C9orf153: variants seen among roughly 807,000 people sequenced by gnomAD.
C9orf153 encodes uncharacterized protein C9orf153.
C9orf153 carries 10 observed loss-of-function variants against 9.0 expected under a neutral mutation model. That is an observed-to-expected ratio of 1.11 (90% CI 0.69 to 1.89). C9orf153 has a LOEUF of 1.89. C9orf153 is among the 40% of genes most tolerant of loss of function. C9orf153 has a pLI of 0.00. For missense variants in C9orf153, 108 were observed against 111.0 expected, an observed-to-expected ratio of 0.97 and a Z score of 0.12; for synonymous variants, 35 against 37.3, an observed-to-expected ratio of 0.94 and a Z score of 0.23.
At chr9:86,253,521 A>G (rs979796941) in intron 1 of C9orf153, among the ~76,000 whole-genome samples, 1 of 152,212 alleles carries the variant, frequency 6.6e-6, no homozygotes, top group Non-Finnish European at 1.5e-5. Context: ...GAAATTCTTT[A>G]TGAAAAAGCC....
At chr9:86,229,975 A>G (rs900871168) in intron 1 of C9orf153, among the ~76,000 whole-genome samples, 3 of 152,098 alleles carry the variant, frequency 2.0e-5, no homozygotes, top group African/African-American at 7.2e-5. Flanking sequence ...GAAGTGCTAT[A>G]CACTTTTAAA....
intron 3 of C9orf153, chr9:86,227,357 G>A (rs1479534936): frequency 2.0e-6 from 3 of 1,532,750 alleles, no homozygotes; most frequent in Non-Finnish European, 2.6e-6. Context: ...TTGGAGATGG[G>A]GTCTTTCTAT....
At chr9:86,237,029 A>G (rs1824611985) in intron 1 of C9orf153, among the ~76,000 whole-genome samples, 1 of 152,034 alleles carries the variant, frequency 6.6e-6, no homozygotes. Flanking sequence ...CAACAATGAC[A>G]TAGAGAACAA....
rs1159824661 is a variant in C9orf153, at chr9:86,228,082, T to C, written c.67-52A>G. The C allele has an allele frequency of 1.5e-6, 2 of 1,357,920 alleles. 1 individual carries two copies. The highest frequency in any genetic ancestry group is 2.8e-5 in the South Asian group (2 of 70,518). 84.1% of individuals were successfully genotyped at this position (1,357,920 alleles called of 1,614,324 possible). ...TCACGAGACTGACAAAAATGTAATA[T>C]TCTGGCAGACCTACAAACCCTAGAA... On this transcript the variant is annotated intron_variant, in intron 2 of 3. Transcript: ENST00000339137.
In C9orf153 at chr9:86,233,975, C is replaced by T. The variant is rs148070705; in HGVS notation, c.-26-4346G>A. On this transcript the variant is annotated intron_variant, in intron 1 of 3. Transcript: ENST00000339137. ...GTGCATCCCTGTAGTCCCAGCTACT[C>T]GGGAGGCTGAGGCGGGAGAATCGCT... Among the ~76,000 whole-genome samples the T allele has an allele frequency of 4.2e-3, 641 of 151,884 alleles. 9 individuals carry two copies. Among genetic ancestry groups the T allele is most frequent in the African/African-American group, 0.013 (525 of 41,418 alleles).
intron 3 of C9orf153, 47 bp from the exon 4 acceptor site, chr9:86,221,780 G>T (rs1324408682): frequency 7.6e-7 from 1 of 1,319,096 alleles, no homozygotes; most frequent in South Asian, 1.3e-5. Context: ...TTGTTACTCA[G>T]CCTTTCATTA....
chr9:86,258,565 C>T (rs999079887), intron 1 of C9orf153: 3 of 152,076 alleles, frequency 2.0e-5, no homozygotes, highest in Admixed American at 1.3e-4. Flanking sequence ...AAGGAGACAT[C>T]CACCTAGCCA....
intron 3 of C9orf153, among the ~76,000 whole-genome samples, chr9:86,225,623 T>A (rs974983569): frequency 6.6e-6 from 1 of 152,086 alleles, no homozygotes; most frequent in Non-Finnish European, 1.5e-5. Context: ...AACGCCCAGC[T>A]AATTTTTTTG....
chr9:86,227,734 C>G, intron 3 of C9orf153, 121 bp downstream of exon 3: 1 of 1,426,358 alleles, frequency 7.0e-7, no homozygotes, highest in Non-Finnish European at 9.2e-7. Context: ...AGATCCCACA[C>G]TGTGACAGCC....
chr9:86,246,248 T>C (rs1824861940), intron 1 of C9orf153, among the ~76,000 whole-genome samples: 1 of 152,180 alleles, frequency 6.6e-6, no homozygotes, highest in African/African-American at 2.4e-5. Context: ...GGAAAGATGT[T>C]TTCAGGTTCT....
chr9:86,245,901 C>T (rs896349954), intron 1 of C9orf153, among the ~76,000 whole-genome samples: 3 of 152,170 alleles, frequency 2.0e-5, no homozygotes, highest in Non-Finnish European at 4.4e-5. Context: ...TGCTCACATT[C>T]CTGCTTTCCC....
At chr9:86,255,448 T>C (rs901054924) in intron 1 of C9orf153, among the ~76,000 whole-genome samples, 1 of 152,184 alleles carries the variant, frequency 6.6e-6, no homozygotes, top group Admixed American at 6.5e-5. Context: ...TTGTTTGATG[T>C]AGGAAAGATT....
intron 3 of C9orf153, among the ~76,000 whole-genome samples, chr9:86,222,341 C>T (rs1312581501): frequency 1.3e-5 from 2 of 152,090 alleles, no homozygotes; most frequent in Non-Finnish European, 2.9e-5. Flanking sequence ...TGCTTGGATC[C>T]TAACAGAATG....
chr9:86,256,171 G>A (rs1254868617), intron 1 of C9orf153, among the ~76,000 whole-genome samples: 1 of 152,182 alleles, frequency 6.6e-6, no homozygotes, highest in African/African-American at 2.4e-5. Context: ...AGCTGCTTAT[G>A]TAAGATCATC....
At chr9:86,231,882 T>C (rs923367249) in intron 1 of C9orf153, among the ~76,000 whole-genome samples, 1 of 152,202 alleles carries the variant, frequency 6.6e-6, no homozygotes, top group African/African-American at 2.4e-5. Context: ...TTCCAGTCAA[T>C]CATTGCTATT....
intron 1 of C9orf153, among the ~76,000 whole-genome samples, chr9:86,242,898 C>T (rs967448945): frequency 2.6e-5 from 4 of 152,100 alleles, no homozygotes; most frequent in East Asian, 1.9e-4. Flanking sequence ...AGGCTGGTCT[C>T]GAACTCCTGA....
At chr9:86,245,227 A>G (rs1318863638) in intron 1 of C9orf153, among the ~76,000 whole-genome samples, 1 of 152,162 alleles carries the variant, frequency 6.6e-6, no homozygotes, top group African/African-American at 2.4e-5. Context: ...GTGCCCAGTC[A>G]CATCTCCCTT....
intron 3 of C9orf153, 91 bp downstream of exon 3, chr9:86,227,764 C>T: frequency 6.7e-7 from 1 of 1,486,362 alleles, no homozygotes; most frequent in South Asian, 1.5e-5. Context: ...ACCTGGAGAG[C>T]CTCTCCATGG....
At chr9:86,247,502 C>G (rs892655350) in intron 1 of C9orf153, among the ~76,000 whole-genome samples, 6 of 151,888 alleles carry the variant, frequency 4.0e-5, no homozygotes, top group Non-Finnish European at 8.8e-5. Flanking sequence ...GGTAACATGG[C>G]AAAAACCTAT....
Sources: gnomAD v4.1 joint callset for allele counts (sites outside exome capture counted in the v4.1 genomes callset) on GRCh38, gnomAD v4.1.1 for gene constraint, MANE v1.5 for transcripts, NCBI Gene and HGNC (gene_info 2026-07-23, HGNC 2026-07-21) for gene names.